CLRN3: variants seen among roughly 807,000 people sequenced by gnomAD.
The protein encoded by CLRN3 is clarin-3.
CLRN3 carries 12 observed loss-of-function variants against 16.7 expected under a neutral mutation model. The ratio of observed to expected loss-of-function variants is 0.72; its 90% CI spans 0.46 to 1.16. The LOEUF (loss-of-function observed/expected upper bound fraction) is 1.16, where lower values mean the gene tolerates loss of function less well. Among genes scored for constraint, CLRN3 ranks in the 50% most tolerant of loss-of-function variants. The probability of loss-of-function intolerance (pLI) is 0.00; values close to 1 mark genes in which losing one functional copy is unlikely to be tolerated. For synonymous variants in CLRN3, 118 were observed against 113.0 expected (o/e 1.04, Z -0.28); for missense variants, 296 against 274.2 (o/e 1.08, Z -0.56).
Position 127,886,887 on chromosome 10 carries a change from C to A in CLRN3, c.230-3012G>T, listed in dbSNP as rs552582684. ...ATTCTCAGCATAGTCTCTGGCTATGCATCCCAGGGAAGGGCTCTAGCGGGA... is the reference window on the plus strand; with the variant it reads ...ATTCTCAGCATAGTCTCTGGCTATGAATCCCAGGGAAGGGCTCTAGCGGGA... On this transcript the variant is annotated intron_variant, in intron 1 of 2. Transcript: ENST00000368671. Among the ~76,000 whole-genome samples the A allele has an allele frequency of 9.2e-5, 14 of 152,284 alleles. No individual in the cohort carries two copies. The East Asian group carries it at 2.7e-3, about 30-fold the overall frequency.
At chr10:127,887,977 A>T (rs1845216462) in intron 1 of CLRN3, among the ~76,000 whole-genome samples, 1 of 152,060 alleles carries the variant, frequency 6.6e-6, no homozygotes, top group Non-Finnish European at 1.5e-5. Flanking sequence ...GCTGTTGGGC[A>T]GTGGATAATG....
rs1279754095 is a variant in CLRN3, at chr10:127,883,723, C to G, written c.382G>C (p.Gly128Arg). 1.2e-6 allele frequency: 2 copies of G among 1,613,812 alleles called. No homozygotes were observed. Among genetic ancestry groups the G allele is most frequent in the Non-Finnish European group, 1.7e-6 (2 of 1,179,802 alleles). Residue 128 changes from glycine to arginine, a missense_variant, in exon 2 of 3, where the codon GGG (glycine) becomes CGG (arginine). Coordinates refer to ENST00000368671, the MANE Select transcript of CLRN3 (RefSeq NM_152311.5). ...NPYQTFLGPT[G>R]VYTWNGLGAS... is the part of the protein sequence containing the mutation. Reference sequence around the variant, plus strand: ...CCGAGCCCGTTCCAGGTGTACACCCCCGTCGGCCCCAGGAATGTCTGGTAA... The same window carrying G: ...CCGAGCCCGTTCCAGGTGTACACCCGCGTCGGCCCCAGGAATGTCTGGTAA...
chr10:127,881,347 C>A (rs1274271616), intron 2 of CLRN3, among the ~76,000 whole-genome samples: 1 of 152,226 alleles, frequency 6.6e-6, no homozygotes, highest in East Asian at 1.9e-4. Flanking sequence ...ATGCATGAGG[C>A]CTCTGCTATA....
chr10:127,878,869 T>C (rs906731293), intron 2 of CLRN3, among the ~76,000 whole-genome samples: 1 of 152,150 alleles, frequency 6.6e-6, no homozygotes, highest in Non-Finnish European at 1.5e-5. Context: ...CACCTGGGAC[T>C]GTGAGATACA....
At chr10:127,886,662 A>G (rs1463684136) in intron 1 of CLRN3, among the ~76,000 whole-genome samples, 1 of 152,242 alleles carries the variant, frequency 6.6e-6, no homozygotes, top group Non-Finnish European at 1.5e-5. Context: ...TTGAAAACCC[A>G]TGGGAGAAGG....
At chr10:127,881,122 A>G (rs1327739687) in intron 2 of CLRN3, among the ~76,000 whole-genome samples, 1 of 152,212 alleles carries the variant, frequency 6.6e-6, no homozygotes, top group Non-Finnish European at 1.5e-5. Flanking sequence ...TCTCCCAGGC[A>G]GGCATCAGAA....
intron 1 of CLRN3, among the ~76,000 whole-genome samples, chr10:127,890,636 G>A (rs559422301): frequency 2.1e-4 from 32 of 152,224 alleles, no homozygotes; most frequent in African/African-American, 2.6e-4. Context: ...AGAAAGGGGC[G>A]TTTGTACAGA....
At chr10:127,879,622 G>C (rs753764574) in intron 2 of CLRN3, among the ~76,000 whole-genome samples, 45 of 152,164 alleles carry the variant, frequency 3.0e-4, no homozygotes, top group African/African-American at 6.3e-4. Context: ...AAGTGGGCTG[G>C]GAGGGGGTGA....
Position 127,892,586 on chromosome 10 carries a change from C to T in CLRN3, c.199G>A (p.Gly67Arg). The T allele has an allele frequency of 1.9e-6, 3 of 1,607,850 alleles. No individual in the cohort carries two copies. Among genetic ancestry groups the T allele is most frequent in the East Asian group, 4.5e-5 (2 of 44,856 alleles). Residue 67 changes from glycine to arginine, a missense_variant, in exon 1 of 3, where the codon GGA becomes AGA. Gly to Arg is a moderately radical substitution (Grantham distance 125). Coordinates refer to ENST00000368671, the MANE Select transcript of CLRN3 (RefSeq NM_152311.5). Reference protein sequence around the residue: ...RGESSEELSHGLAEPKKKFAV... With the variant: ...RGESSEELSHRLAEPKKKFAV... ...AACTTTTTCTTTGGTTCTGCAAGTC[C>T]GTGACTCAATTCTTCACTACTCTCC...
At chr10:127,885,340 C>T (rs967555501) in intron 1 of CLRN3, among the ~76,000 whole-genome samples, 10 of 152,160 alleles carry the variant, frequency 6.6e-5, no homozygotes, top group Non-Finnish European at 1.3e-4. Context: ...ATGCTGAGCC[C>T]AAATCTGCAT....
At chr10:127,880,578 T>C (rs898605449) in intron 2 of CLRN3, among the ~76,000 whole-genome samples, 4 of 152,174 alleles carry the variant, frequency 2.6e-5, no homozygotes, top group African/African-American at 9.7e-5. Context: ...AAGTTGTCTC[T>C]GGCTCCAAGC....
At chr10:127,882,591 T>G (rs1845141803) in intron 2 of CLRN3, among the ~76,000 whole-genome samples, 1 of 152,176 alleles carries the variant, frequency 6.6e-6, no homozygotes. Flanking sequence ...ACACCTCTAC[T>G]CCATGACATG....
intron 1 of CLRN3, among the ~76,000 whole-genome samples, chr10:127,890,400 C>A (rs1365334386): frequency 6.6e-6 from 1 of 152,192 alleles, no homozygotes; most frequent in East Asian, 1.9e-4. Context: ...CCAATGTTGG[C>A]TGAATTATTT....
chr10:127,882,006 A>G (rs1413662352), intron 2 of CLRN3, among the ~76,000 whole-genome samples: 6 of 152,206 alleles, frequency 3.9e-5, no homozygotes, highest in Non-Finnish European at 7.3e-5. Flanking sequence ...TACCCTGGCC[A>G]TAAGTACCAA....
chr10:127,886,893 A>T (rs1403159870), intron 1 of CLRN3, among the ~76,000 whole-genome samples: 6 of 151,978 alleles, frequency 3.9e-5, no homozygotes, highest in Admixed American at 6.5e-5. Context: ...TATGCATCCC[A>T]GGGAAGGGCT....
Position 127,883,767 on chromosome 10 carries a change from T to A in CLRN3, c.338A>T (p.Tyr113Phe), listed in dbSNP as rs1397569807. Reference sequence around the variant, plus strand: ...CTGGTAAGGGTTGCTGATGCTGTTGTAGAAGGTAAACCCAGAGCTCAGCAG... The same window carrying A: ...CTGGTAAGGGTTGCTGATGCTGTTGAAGAAGGTAAACCCAGAGCTCAGCAG... ...TSLLSSGFTFYNSISNPYQTF... is the reference protein window; with the variant it reads ...TSLLSSGFTFFNSISNPYQTF... The change falls in exon 2 of 3, where the codon TAC becomes TTC. Residue 113 changes from tyrosine to phenylalanine, a missense_variant. Transcript: ENST00000368671. The A allele has an allele frequency of 1.2e-6, 2 of 1,613,790 alleles. No homozygotes were observed. Among genetic ancestry groups the A allele is most frequent in the African/African-American group, 2.7e-5 (2 of 74,856 alleles).
At chr10:127,880,009 G>A (rs981401816) in intron 2 of CLRN3, among the ~76,000 whole-genome samples, 2 of 152,042 alleles carry the variant, frequency 1.3e-5, no homozygotes, top group East Asian at 1.9e-4. Flanking sequence ...CTTTCCAAAC[G>A]GTCCATCAAA....
In CLRN3 at chr10:127,883,796, C is replaced by T. The variant is rs764215889; in HGVS notation, c.309G>A (p.Thr103=). 66 of 1,614,100 alleles carry T rather than the reference C, an allele frequency of 4.1e-5. No homozygotes were observed. Among genetic ancestry groups the T allele is most frequent in the African/African-American group, 6.7e-5 (5 of 75,030 alleles). ...AGGTAAACCCAGAGCTCAGCAGCGA[C>T]GTGATCAAACTCAGGACCAGGAACA... ...TILFLVLSLI[T]SLLSSGFTFY... is the part of the protein sequence containing the mutation. The change falls in exon 2 of 3, where the codon ACG becomes ACA. Residue 103 remains threonine (T), a synonymous_variant. Coordinates refer to ENST00000368671, the MANE Select transcript of CLRN3 (RefSeq NM_152311.5).
At chr10:127,882,429 G>A (rs1008779881) in intron 2 of CLRN3, among the ~76,000 whole-genome samples, 2 of 152,112 alleles carry the variant, frequency 1.3e-5, no homozygotes, top group Non-Finnish European at 2.9e-5. Flanking sequence ...GCTGTGCTGG[G>A]GCCAGTTTGT....
Sources: gnomAD v4.1 joint callset for allele counts (sites outside exome capture counted in the v4.1 genomes callset) on GRCh38, gnomAD v4.1.1 for gene constraint, MANE v1.5 for transcripts, NCBI Gene and HGNC (gene_info 2026-07-23, HGNC 2026-07-21) for gene names.